VIPR1: variants seen among roughly 807,000 people sequenced by gnomAD.
VIPR1 encodes the protein vasoactive intestinal polypeptide receptor 1.
A neutral mutation model predicts 58.8 loss-of-function variants in VIPR1; 59 were observed. The observed-to-expected ratio is 1.00, with a 90% CI of 0.81 to 1.25. The LOEUF is 1.25. Among genes scored for constraint, VIPR1 ranks in the 50% most tolerant of loss-of-function variants. VIPR1 has a pLI of 0.00. For missense variants in VIPR1, 626 were observed against 602.7 expected (o/e 1.04, Z -0.40); for synonymous variants, 251 against 242.1 (o/e 1.04, Z -0.34).
chr3:42,502,803 T>A lies in VIPR1; in HGVS notation c.68T>A (p.Leu23His). 1 of 1,270,426 alleles carries A rather than the reference T, an allele frequency of 7.9e-7. No homozygotes were observed. Among genetic ancestry groups the A allele is most frequent in the Non-Finnish European group, 9.9e-7 (1 of 1,009,722 alleles). 78.7% of individuals were successfully genotyped at this position (1,270,426 alleles called of 1,614,324 possible). Residue 23 changes from leucine (L) to histidine (H), a missense_variant, in exon 1 of 13, where the codon CTT (leucine) becomes CAT (histidine). Coordinates refer to ENST00000325123, the MANE Select transcript of VIPR1 (RefSeq NM_004624.4). ...CVLAGALAWA[L>H]GPAGGQAARL... ...CTGGCAGGCGCCCTCGCCTGGGCCC[T>A]TGGGCCGGCGGTGAGTGTTCGCCCG...
At chr3:42,535,841 C>T (rs551293755) in intron 12 of VIPR1, among the ~76,000 whole-genome samples, 1 of 152,248 alleles carries the variant, frequency 6.6e-6, no homozygotes, top group African/African-American at 2.4e-5. Flanking sequence ...GGCAGCATCC[C>T]TCCCTCTCCC....
At chr3:42,505,275 A>G (rs1559479562) in intron 1 of VIPR1, among the ~76,000 whole-genome samples, 4 of 152,238 alleles carry the variant, frequency 2.6e-5, no homozygotes. Flanking sequence ...CAGATGGGCC[A>G]ATCTTTCACC....
At chr3:42,504,404 G>A (rs1300206080) in intron 1 of VIPR1, among the ~76,000 whole-genome samples, 4 of 151,788 alleles carry the variant, frequency 2.6e-5, no homozygotes, top group Non-Finnish European at 5.9e-5. Context: ...CATCTTATTC[G>A]TTTAGTGCCC....
upstream of VIPR1, among the ~76,000 whole-genome samples, chr3:42,501,071 T>C (rs542815720): frequency 1.3e-5 from 2 of 151,266 alleles, no homozygotes; most frequent in African/African-American, 4.9e-5. The surrounding 1 kb of genome is among the most constrained non-coding windows in gnomAD (Gnocchi z 4.8). Context: ...GGTGGCGAGG[T>C]TCCCTTTAAT....
At chr3:42,498,514 A>G (rs1699809010), upstream of VIPR1, among the ~76,000 whole-genome samples, 1 of 152,194 alleles carries the variant, frequency 6.6e-6, no homozygotes, top group Admixed American at 6.5e-5. Context: ...GAGGACCTGA[A>G]CTGACACACC....
At chr3:42,531,645 C>T (rs1701561066) in intron 8 of VIPR1, 114 bp downstream of exon 8, 2 of 1,561,558 alleles carry the variant, frequency 1.3e-6, no homozygotes, top group Admixed American at 1.7e-5. Context: ...GCTCTCGGGC[C>T]AGAGGGGAGG....
At chr3:42,499,222 T>G (rs1699821389), upstream of VIPR1, among the ~76,000 whole-genome samples, 1 of 115,012 alleles carries the variant, frequency 8.7e-6, no homozygotes, top group Non-Finnish European at 2.1e-5. Flanking sequence ...TCAAGGCCAC[T>G]CTGTGGCCCC....
At chr3:42,526,036 G>A (rs1206647247) in intron 4 of VIPR1, 43 bp downstream of exon 4, 1 of 1,552,428 alleles carries the variant, frequency 6.4e-7, no homozygotes. Flanking sequence ...GAGCGCCGGG[G>A]CCCACCTAGG....
chr3:42,498,248 G>A (rs1319720075), upstream of VIPR1, among the ~76,000 whole-genome samples: 3 of 152,180 alleles, frequency 2.0e-5, no homozygotes, highest in Non-Finnish European at 4.4e-5. Flanking sequence ...CTTGTCAATA[G>A]GTCTATGACT....
At chr3:42,494,460 T>C (rs1164396136) in intron 1 of VIPR1, among the ~76,000 whole-genome samples, 1 of 152,226 alleles carries the variant, frequency 6.6e-6, no homozygotes, top group African/African-American at 2.4e-5. Context: ...CTGAGCTTGG[T>C]ATTTTTTAGG....
At chr3:42,499,831 C>T (rs1167875550), upstream of VIPR1, among the ~76,000 whole-genome samples, 2 of 152,152 alleles carry the variant, frequency 1.3e-5, no homozygotes, top group Non-Finnish European at 2.9e-5. Context: ...AAAAGGATGG[C>T]TTCCTCAGCA....
At chr3:42,521,614 A>C (rs1255443372) in intron 3 of VIPR1, 1 of 152,208 alleles carries the variant, frequency 6.6e-6, no homozygotes, top group African/African-American at 2.4e-5. Context: ...ACCTTATAGA[A>C]GATAAAAATT....
chr3:42,526,340 C>T (rs941296089), intron 4 of VIPR1, among the ~76,000 whole-genome samples: 7 of 152,212 alleles, frequency 4.6e-5, no homozygotes, highest in South Asian at 4.1e-4. Flanking sequence ...GAGGGGAAAC[C>T]GAGTTGCTGC....
intron 1 of VIPR1, among the ~76,000 whole-genome samples, chr3:42,495,727 A>T (rs1461694411): frequency 6.6e-6 from 1 of 152,094 alleles, no homozygotes; most frequent in Non-Finnish European, 1.5e-5. Flanking sequence ...AGAGAGTCAC[A>T]TGGCTAGAAC....
chr3:42,498,706 A>G (rs575033057), upstream of VIPR1, among the ~76,000 whole-genome samples: 3 of 152,154 alleles, frequency 2.0e-5, no homozygotes, highest in South Asian at 2.1e-4. Context: ...GTGTAGCACC[A>G]ACAGAAGATC....
intron 11 of VIPR1, 69 bp downstream of exon 11, chr3:42,535,173 C>T (rs1340137608): frequency 5.0e-6 from 8 of 1,609,168 alleles, no homozygotes; most frequent in Non-Finnish European, 6.8e-6. Flanking sequence ...GAGTCTTGGC[C>T]CTTGCCACTG....
intron 3 of VIPR1, among the ~76,000 whole-genome samples, chr3:42,523,462 C>T (rs1279046216): frequency 6.6e-6 from 1 of 152,184 alleles, no homozygotes; most frequent in Non-Finnish European, 1.5e-5. Context: ...GTCTGCATCC[C>T]ACCTGCTGCT....
At chr3:42,490,692 G>C (rs1244072431) in intron 1 of VIPR1, among the ~76,000 whole-genome samples, 1 of 152,120 alleles carries the variant, frequency 6.6e-6, no homozygotes. Flanking sequence ...GTGTTATGAA[G>C]AAGAGTAGAG....
intron 10 of VIPR1, chr3:42,534,768 GA>G: frequency 1.8e-6 from 1 of 561,380 alleles, no homozygotes; most frequent in South Asian, 2.4e-5. Flanking sequence ...TCCAGGCCAG[GA>G]GGGCTGGGGG....
Sources: allele counts gnomAD v4.1 joint callset (sites outside exome capture counted in the v4.1 genomes callset), GRCh38; gene constraint gnomAD v4.1.1; non-coding constraint Gnocchi (gnomAD v3.1); transcripts MANE v1.5; gene names NCBI Gene and HGNC (gene_info 2026-07-23, HGNC 2026-07-21).